The following PLXNA2 variants were observed in gnomAD, a reference collection of about 807,000 sequenced individuals.
The protein encoded by PLXNA2 is plexin A2, also known as plexin-A2.
In PLXNA2, 91 loss-of-function variants were observed where a neutral mutation model predicts 193.5. The observed-to-expected ratio is 0.47, with a 90% confidence interval of 0.40 to 0.56. The LOEUF (loss-of-function observed/expected upper bound fraction) is 0.56. Among genes scored for constraint, PLXNA2 ranks in the 20% least tolerant of loss-of-function variants. The pLI is 0.00. For synonymous variants in PLXNA2, 997 were observed against 1,027.3 expected (o/e 0.97, Z 0.56); for missense variants, 1,995 against 2,503.2 (o/e 0.80, Z 4.33).
chr1:208,092,996 C>T (rs1356861687), intron 8 of PLXNA2, 96 bp from the exon 9 acceptor site: 3 of 783,588 alleles, frequency 3.8e-6, no homozygotes. Context: ...TGTTTAAATC[C>T]TAGTCTCATT....
At chr1:208,151,113 C>T (rs566810677) in intron 3 of PLXNA2, among the ~76,000 whole-genome samples, 16 of 152,230 alleles carry the variant, frequency 1.1e-4, no homozygotes, top group Admixed American at 2.0e-4. Flanking sequence ...TGGAGACAGC[C>T]GAAGCATTAA....
At chr1:208,100,148 G>C (rs930590540) in intron 5 of PLXNA2, among the ~76,000 whole-genome samples, 2 of 152,046 alleles carry the variant, frequency 1.3e-5, no homozygotes, top group Non-Finnish European at 2.9e-5. Context: ...CTAAGATGAG[G>C]AGGATTGCTT....
intron 4 of PLXNA2, among the ~76,000 whole-genome samples, chr1:208,136,911 A>C (rs952712409): frequency 6.6e-6 from 1 of 152,230 alleles, no homozygotes; most frequent in Non-Finnish European, 1.5e-5. Flanking sequence ...TATGTGTCAG[A>C]CATGATGCTG....
At chr1:208,122,121 T>A (rs1456138887) in intron 4 of PLXNA2, among the ~76,000 whole-genome samples, 1 of 152,128 alleles carries the variant, frequency 6.6e-6, no homozygotes, top group Admixed American at 6.5e-5. Flanking sequence ...CAAACAGACT[T>A]CTAAACAGGA....
At chr1:208,158,400 C>G (rs1206303286) in intron 3 of PLXNA2, among the ~76,000 whole-genome samples, 2 of 152,156 alleles carry the variant, frequency 1.3e-5, no homozygotes, top group Admixed American at 1.3e-4. Context: ...TACACATGAC[C>G]TCTCCAAGAT....
Position 208,217,822 on chromosome 1 carries a change from C to T in PLXNA2, c.101G>A (p.Gly34Asp), listed in dbSNP as rs866934823. Residue 34 changes from glycine to aspartate, a missense_variant, in exon 2 of 32, where the codon GGC becomes GAC. Transcript: ENST00000367033. This position sits in a 1 kb window ranked among gnomAD's most constrained non-coding sequence, Gnocchi z 4.7. ...GTGGAAGGTGCTGAACTGAGGCATG[C>T]CGGCTGCTGGGGGGGCCAGCAGCAC... is the stretch of plus-strand genomic sequence containing the variant. ...VWVLLAPPAA[G>D]MPQFSTFHSE... The T allele has an allele frequency of 5.0e-6, 8 of 1,614,126 alleles. No homozygotes were observed. Among genetic ancestry groups the T allele is most frequent in the Non-Finnish European group, 6.8e-6 (8 of 1,180,022 alleles).
chr1:208,081,075 T>A (rs1490515282), intron 11 of PLXNA2, among the ~76,000 whole-genome samples: 2 of 152,292 alleles, frequency 1.3e-5, no homozygotes, highest in East Asian at 3.9e-4. Flanking sequence ...GAGTCACAAG[T>A]AGAGTTTCCG....
rs1033906823 is a variant in PLXNA2 at position 208,028,730 on chromosome 1, T to C, written c.5438+100A>G. 2.2e-5 allele frequency: 25 copies of C among 1,111,764 alleles called. No homozygotes were observed. In the African/African-American group the frequency reaches 3.6e-4, roughly 16 times the overall value. 68.9% of individuals were successfully genotyped at this position (1,111,764 alleles called of 1,614,324 possible). A position where few individuals can be genotyped will look rare whatever the true frequency, so the allele number is the denominator to read the frequency against. ...AGGGGAGTGGGAGGTCCTGAAGAGATGACAGACACCGTCGTCTGAGTCCTT... is the reference window on the plus strand; with the variant it reads ...AGGGGAGTGGGAGGTCCTGAAGAGACGACAGACACCGTCGTCTGAGTCCTT... On this transcript the variant is annotated intron_variant, in intron 30 of 31. Coordinates refer to ENST00000367033, the MANE Select transcript of PLXNA2 (RefSeq NM_025179.4). The surrounding 1 kb of genome is among the most constrained non-coding windows in gnomAD (Gnocchi z 4.2).
intron 3 of PLXNA2, among the ~76,000 whole-genome samples, chr1:208,177,258 A>G (rs1056932208): frequency 6.6e-6 from 1 of 152,092 alleles, no homozygotes; most frequent in African/African-American, 2.4e-5. Flanking sequence ...TGATGCATTC[A>G]GAGTCCAGCA....
At chr1:208,229,987 C>T (rs1279850155) in intron 1 of PLXNA2, among the ~76,000 whole-genome samples, 4 of 152,122 alleles carry the variant, frequency 2.6e-5, no homozygotes, top group Non-Finnish European at 5.9e-5. Context: ...AGTCTGGTGA[C>T]CTTGAACATG....
intron 3 of PLXNA2, among the ~76,000 whole-genome samples, chr1:208,194,883 T>G (rs11585595): frequency 0.36 from 55,479 of 152,138 alleles, 10,390 homozygotes; most frequent in Non-Finnish European, 0.41. Flanking sequence ...TGGCTCAAGG[T>G]GCTGTTTCCT....
chr1:208,186,631 TA>T (rs533913342), intron 3 of PLXNA2, among the ~76,000 whole-genome samples: 12 of 151,780 alleles, frequency 7.9e-5, no homozygotes, highest in South Asian at 6.2e-4. Flanking sequence ...GAAAATGGGA[TA>T]GGGGGAGAGT....
chr1:208,112,564 C>A (rs1432070951), intron 4 of PLXNA2, among the ~76,000 whole-genome samples: 1 of 152,198 alleles, frequency 6.6e-6, no homozygotes, highest in Admixed American at 6.5e-5. Context: ...ATGCAGACCC[C>A]ACTGAAGGTG....
chr1:208,037,706 A>G (rs1329864126), intron 26 of PLXNA2, among the ~76,000 whole-genome samples: 2 of 149,640 alleles, frequency 1.3e-5, no homozygotes, highest in Non-Finnish European at 3.0e-5. Flanking sequence ...TACCTCCTTG[A>G]TCTTGTGTTC....
At chr1:208,176,946 G>A (rs938515532) in intron 3 of PLXNA2, among the ~76,000 whole-genome samples, 10 of 152,252 alleles carry the variant, frequency 6.6e-5, no homozygotes, top group Middle Eastern at 3.4e-3. Flanking sequence ...CCACGGTGCC[G>A]GTGCCTTTGC....
At chr1:208,148,407 G>T (rs1668662783) in intron 3 of PLXNA2, among the ~76,000 whole-genome samples, 1 of 152,190 alleles carries the variant, frequency 6.6e-6, no homozygotes, top group Non-Finnish European at 1.5e-5. Context: ...TGTCTGCAGG[G>T]CTGGGATTTA....
intron 13 of PLXNA2, among the ~76,000 whole-genome samples, chr1:208,057,840 T>C (rs1328108002): frequency 4.6e-5 from 7 of 152,178 alleles, no homozygotes; most frequent in Middle Eastern, 3.2e-3. Context: ...ATCTTTACAA[T>C]GGGAGCTGCA....
At chr1:208,127,086 A>C (rs1667995541) in intron 4 of PLXNA2, among the ~76,000 whole-genome samples, 1 of 152,240 alleles carries the variant, frequency 6.6e-6, no homozygotes, top group Non-Finnish European at 1.5e-5. Flanking sequence ...CTTGCACAAG[A>C]GGCTTTTAAA....
chr1:208,034,805 A>G (rs1664621651), intron 26 of PLXNA2, among the ~76,000 whole-genome samples: 1 of 152,160 alleles, frequency 6.6e-6, no homozygotes, highest in Non-Finnish European at 1.5e-5. Context: ...ATGTGTGTGG[A>G]TTGAGCATTT....
Sources: gnomAD v4.1 joint callset for allele counts (sites outside exome capture counted in the v4.1 genomes callset) on GRCh38, gnomAD v4.1.1 for gene constraint, Gnocchi (gnomAD v3.1) non-coding constraint, MANE v1.5 for transcripts, NCBI Gene and HGNC (gene_info 2026-07-23, HGNC 2026-07-21) for gene names.